The following IMMP2L variants were observed in gnomAD, a reference collection of about 807,000 sequenced individuals.
IMMP2L encodes the protein mitochondrial inner membrane protease subunit 2.
In IMMP2L, 18 loss-of-function variants were observed where a neutral mutation model predicts 19.3. That is an observed-to-expected ratio of 0.93 (90% CI 0.64 to 1.38). The LOEUF is 1.38. Among genes scored for constraint, IMMP2L ranks in the 40% most tolerant of loss-of-function variants. The pLI, the probability that IMMP2L is intolerant of heterozygous loss-of-function variation, is 0.00. For synonymous variants in IMMP2L, 76 were observed against 73.0 expected, an observed-to-expected ratio of 1.04 and a Z score of -0.21; for missense variants, 233 against 218.2, an observed-to-expected ratio of 1.07 and a Z score of -0.43.
intron 3 of IMMP2L, among the ~76,000 whole-genome samples, chr7:111,260,668 G>A (rs553898753): frequency 3.9e-5 from 6 of 151,972 alleles, no homozygotes; most frequent in Non-Finnish European, 5.9e-5. Flanking sequence ...AATCATACTG[G>A]GTTGTGGTAC....
At chr7:110,962,787 T>G (rs2129555494) in intron 4 of IMMP2L, 1 of 1,159,838 alleles carries the variant, frequency 8.6e-7, no homozygotes, top group African/African-American at 1.6e-5. Context: ...GGATCAAGTT[T>G]TTTTAGAAAA....
intron 3 of IMMP2L, among the ~76,000 whole-genome samples, chr7:111,308,872 A>T (rs1297162192): frequency 6.6e-6 from 1 of 152,076 alleles, no homozygotes; most frequent in East Asian, 1.9e-4. Context: ...AGATTACACA[A>T]GTACCATGTG....
At chr7:111,503,915 C>G (rs1844593860) in intron 2 of IMMP2L, among the ~76,000 whole-genome samples, 1 of 152,074 alleles carries the variant, frequency 6.6e-6, no homozygotes, top group Non-Finnish European at 1.5e-5. Flanking sequence ...TGGCACAAGA[C>G]AGGGATGCCC....
intron 4 of IMMP2L, among the ~76,000 whole-genome samples, chr7:110,892,297 T>A (rs2129546213): frequency 6.6e-6 from 1 of 152,322 alleles, no homozygotes; most frequent in South Asian, 2.1e-4. Flanking sequence ...AACCATCGTC[T>A]GCTTTGTGGG....
At chr7:111,243,578 C>T (rs1219017556) in intron 3 of IMMP2L, among the ~76,000 whole-genome samples, 1 of 138,710 alleles carries the variant, frequency 7.2e-6, no homozygotes, top group Non-Finnish European at 1.5e-5. Context: ...AGGTTAGTTA[C>T]ATATGTATAC....
At chr7:110,854,137 T>C (rs1806514124) in intron 5 of IMMP2L, among the ~76,000 whole-genome samples, 3 of 152,010 alleles carry the variant, frequency 2.0e-5, no homozygotes, top group Admixed American at 6.6e-5. Flanking sequence ...ATTTTAAATA[T>C]AGGCATTCTA....
intron 3 of IMMP2L, among the ~76,000 whole-genome samples, chr7:111,128,818 C>T (rs975602022): frequency 1.8e-4 from 27 of 151,450 alleles, no homozygotes; most frequent in African/African-American, 6.1e-4. Context: ...AGTGAGACTC[C>T]GTCTCAAAAA....
intron 3 of IMMP2L, among the ~76,000 whole-genome samples, chr7:111,425,680 A>T (rs1160652562): frequency 6.6e-6 from 1 of 151,108 alleles, no homozygotes; most frequent in Non-Finnish European, 1.5e-5. Context: ...TACATTTTCA[A>T]ATTTAAAAAG....
rs569931222 is a variant in IMMP2L at position 110,945,193 on chromosome 7, G to A, written c.305+18307C>T. Among the ~76,000 whole-genome samples the A allele has an allele frequency of 2.6e-5, 4 of 152,058 alleles. No individual in the cohort carries two copies. The East Asian group carries it at 7.7e-4, about 29-fold the overall frequency. The stretch of plus-strand genomic sequence containing the variant: ...ATACTCCGAGGCCAGATTGTGAGGG[G>A]CCGCATCTGCAGGGCTCCTGTTTAT... On this transcript the variant is annotated intron_variant, in intron 4 of 5. Transcript: ENST00000405709.
intron 5 of IMMP2L, among the ~76,000 whole-genome samples, chr7:110,726,380 A>G (rs985610040): frequency 8.5e-5 from 13 of 152,176 alleles, no homozygotes; most frequent in African/African-American, 3.1e-4. Flanking sequence ...ATGGAAATCG[A>G]TTTTATCCAG....
chr7:111,456,205 T>G (rs576464521), intron 3 of IMMP2L, among the ~76,000 whole-genome samples: 54 of 152,118 alleles, frequency 3.5e-4, no homozygotes, highest in Middle Eastern at 3.4e-3. Flanking sequence ...GGTTATTCAA[T>G]CTCTTGTTTA....
rs142260425 is a variant in IMMP2L, at chr7:111,288,291, A to T, written c.239+198947T>A. Among the ~76,000 whole-genome samples the T allele has an allele frequency of 4.0e-3, 602 of 152,296 alleles. 2 individuals carry two copies. The highest frequency in any genetic ancestry group is 6.1e-3 in the Non-Finnish European group (412 of 68,014). The stretch of plus-strand genomic sequence containing the variant: ...TATTTGTTAATAAAATTAACTCAAG[A>T]TGGATTAAAGACTTAAACCTAAGAC... On this transcript the variant is annotated intron_variant, in intron 3 of 5. Coordinates refer to ENST00000405709, the MANE Select transcript of IMMP2L (RefSeq NM_032549.4).
chr7:110,901,468 C>T (rs979572404), intron 4 of IMMP2L, among the ~76,000 whole-genome samples: 1 of 152,110 alleles, frequency 6.6e-6, no homozygotes, highest in African/African-American at 2.4e-5. Context: ...TCAGGTAACA[C>T]AGTCATTTTA....
chr7:111,042,914 C>T (rs1792036306), intron 3 of IMMP2L, among the ~76,000 whole-genome samples: 1 of 152,110 alleles, frequency 6.6e-6, no homozygotes, highest in Non-Finnish European at 1.5e-5. Context: ...TCACTGTAAC[C>T]CAGCACCTAA....
intron 2 of IMMP2L, among the ~76,000 whole-genome samples, chr7:111,505,148 C>T (rs1309965798): frequency 4.6e-5 from 7 of 152,000 alleles, no homozygotes; most frequent in African/African-American, 1.7e-4. Context: ...ACAACCCCAT[C>T]AAAAAGTGGG....
chr7:110,733,186 G>T (rs1372937399), intron 5 of IMMP2L, among the ~76,000 whole-genome samples: 2 of 152,170 alleles, frequency 1.3e-5, no homozygotes, highest in Non-Finnish European at 2.9e-5. Context: ...TATGCTGTCT[G>T]GTGCTAGTAC....
chr7:110,680,902 G>C (rs757226008), intron 5 of IMMP2L, among the ~76,000 whole-genome samples: 1 of 152,054 alleles, frequency 6.6e-6, no homozygotes, highest in Non-Finnish European at 1.5e-5. Context: ...AACACCAATC[G>C]CCATCCTCCC....
intron 3 of IMMP2L, among the ~76,000 whole-genome samples, chr7:111,143,226 A>T (rs1028490034): frequency 3.9e-5 from 6 of 152,236 alleles, no homozygotes; most frequent in African/African-American, 1.4e-4. Flanking sequence ...TAATTATGAT[A>T]CTGTATAAAT....
In IMMP2L at chr7:111,457,936, G is replaced by C. The variant is rs1265160824; in HGVS notation, c.239+29302C>G. ...AATTGGTATTTTTGACTACTTCTTAGTATAAATCTTGTCTTTGTATCAACA... is the reference window on the plus strand; with the variant it reads ...AATTGGTATTTTTGACTACTTCTTACTATAAATCTTGTCTTTGTATCAACA... On this transcript the variant is annotated intron_variant, in intron 3 of 5. Transcript: ENST00000405709. 2.0e-5 allele frequency among the ~76,000 whole-genome samples: 3 copies of C among 147,224 alleles called. No homozygotes were observed. The East Asian group carries it at 5.9e-4, about 29-fold the overall frequency.
Sources: gnomAD v4.1 joint callset for allele counts (sites outside exome capture counted in the v4.1 genomes callset) on GRCh38, gnomAD v4.1.1 for gene constraint, MANE v1.5 for transcripts, NCBI Gene and HGNC (gene_info 2026-07-23, HGNC 2026-07-21) for gene names.